CNTN5: variants seen among roughly 807,000 people sequenced by gnomAD.
CNTN5 encodes contactin-5.
A neutral mutation model predicts 129.1 loss-of-function variants in CNTN5; 77 were observed. That is an observed-to-expected ratio of 0.60 (90% CI 0.50 to 0.72). CNTN5 has a LOEUF of 0.72. Among genes scored for constraint, CNTN5 ranks in the 30% least tolerant of loss-of-function variants. The pLI is 0.00. For synonymous variants in CNTN5, 509 were observed against 465.6 expected, an observed-to-expected ratio of 1.09 and a Z score of -1.20; for missense variants, 1,478 against 1,328.8, an observed-to-expected ratio of 1.11 and a Z score of -1.75.
intron 13 of CNTN5, among the ~76,000 whole-genome samples, chr11:100,159,231 G>A (rs1240604514): frequency 6.6e-6 from 1 of 151,808 alleles, no homozygotes; most frequent in Non-Finnish European, 1.5e-5. Flanking sequence ...TGGTGTGTAG[G>A]GTTGTGATCA....
chr11:99,363,203 A>T (rs546036681), intron 2 of CNTN5, among the ~76,000 whole-genome samples: 1 of 152,120 alleles, frequency 6.6e-6, no homozygotes, highest in Non-Finnish European at 1.5e-5. Flanking sequence ...GCAATATTTT[A>T]TAATTTTAGA....
At chr11:99,917,891 A>T (rs967607706) in intron 7 of CNTN5, among the ~76,000 whole-genome samples, 1 of 152,140 alleles carries the variant, frequency 6.6e-6, no homozygotes, top group African/African-American at 2.4e-5. Context: ...TCTGATTGAG[A>T]TCAATATATG....
At chr11:100,114,996 G>C (rs1448039514) in intron 13 of CNTN5, among the ~76,000 whole-genome samples, 1 of 151,224 alleles carries the variant, frequency 6.6e-6, no homozygotes, top group East Asian at 2.0e-4. Flanking sequence ...CCCATTATTG[G>C]ATTGCGCTGA....
At chr11:99,977,301 C>T (rs985007844) in intron 8 of CNTN5, among the ~76,000 whole-genome samples, 2 of 152,210 alleles carry the variant, frequency 1.3e-5, no homozygotes, top group African/African-American at 2.4e-5. Context: ...AACTTTCTCA[C>T]ATCTTCCTGT....
intron 1 of CNTN5, among the ~76,000 whole-genome samples, chr11:99,204,319 T>C (rs992581160): frequency 2.6e-5 from 4 of 152,214 alleles, no homozygotes; most frequent in Admixed American, 6.5e-5. Context: ...GTCTGAGAAA[T>C]ACCCCAAATT....
At chr11:99,573,412 T>C (rs1305730281) in intron 3 of CNTN5, among the ~76,000 whole-genome samples, 1 of 151,288 alleles carries the variant, frequency 6.6e-6, no homozygotes, top group Non-Finnish European at 1.5e-5. Context: ...CTACTAAAAA[T>C]ACAAAAAATT....
At chr11:99,318,892 A>G (rs1031721415) in intron 1 of CNTN5, among the ~76,000 whole-genome samples, 1 of 152,262 alleles carries the variant, frequency 6.6e-6, no homozygotes, top group Non-Finnish European at 1.5e-5. Flanking sequence ...AGTTTTAAAT[A>G]TCCTTGAAAA....
At position 99,239,524 on chromosome 11, in the gene CNTN5, G is replaced by A. The variant is rs970096820; in HGVS notation, c.-209-85822G>A. On this transcript the variant is annotated intron_variant, in intron 1 of 24. Coordinates refer to ENST00000524871, the MANE Select transcript of CNTN5 (RefSeq NM_014361.4). ...GGACGGAAAATTACTAGGGGAGGGTGATTCTGTAAACTAACTGTAGCTTTC... is the reference window on the plus strand; with the variant it reads ...GGACGGAAAATTACTAGGGGAGGGTAATTCTGTAAACTAACTGTAGCTTTC... 2.6e-5 allele frequency among the ~76,000 whole-genome samples: 4 copies of A among 152,248 alleles called. No individual in the cohort carries two copies. In the East Asian group the frequency reaches 7.7e-4, roughly 29 times the overall value.
chr11:99,994,658 C>G (rs1443864454), intron 8 of CNTN5, among the ~76,000 whole-genome samples: 1 of 152,032 alleles, frequency 6.6e-6, no homozygotes, highest in Admixed American at 6.6e-5. Flanking sequence ...AAAGTAACAA[C>G]AATACCAAAT....
chr11:100,332,172 A>G (rs1049420888), intron 21 of CNTN5, among the ~76,000 whole-genome samples: 5 of 152,162 alleles, frequency 3.3e-5, no homozygotes, highest in Admixed American at 2.6e-4. Flanking sequence ...GATACCACAG[A>G]AATACAAAAG....
Position 100,308,982 on chromosome 11 carries a change from G to A in CNTN5, c.2730+514G>A, listed in dbSNP as rs573750266. ...ATAGTTATTCCAGCCTTATAATGGTGAACATTTCATATCAAATGAATAACA... is the reference window on the plus strand; with the variant it reads ...ATAGTTATTCCAGCCTTATAATGGTAAACATTTCATATCAAATGAATAACA... On this transcript the variant is annotated intron_variant, in intron 21 of 24. Transcript: ENST00000524871. 169 of 984,860 alleles carry A rather than the reference G, an allele frequency of 1.7e-4. No individual in the cohort carries two copies. The African/African-American group carries it at 2.8e-3, about 16-fold the overall frequency. 61.0% of individuals were successfully genotyped at this position (984,860 alleles called of 1,614,324 possible).
intron 13 of CNTN5, among the ~76,000 whole-genome samples, chr11:100,115,314 A>ATGTTG (rs1480219425): frequency 6.6e-6 from 1 of 152,050 alleles, no homozygotes; most frequent in Non-Finnish European, 1.5e-5. Flanking sequence ...AGACTAATTA[A>ATGTTG]GGAGTAAGAT....
chr11:99,040,504 T>C (rs190400649), intron 1 of CNTN5, among the ~76,000 whole-genome samples: 1 of 152,260 alleles, frequency 6.6e-6, no homozygotes, highest in Admixed American at 6.5e-5. Context: ...TACCAGTTAA[T>C]TTCATTTCTT....
At chr11:99,410,441 C>G (rs555299947) in intron 2 of CNTN5, among the ~76,000 whole-genome samples, 1 of 152,230 alleles carries the variant, frequency 6.6e-6, no homozygotes, top group Admixed American at 6.5e-5. Context: ...TTGCCAGAGC[C>G]ATGAAAGACT....
intron 6 of CNTN5, among the ~76,000 whole-genome samples, chr11:99,865,637 T>G (rs1324650800): frequency 6.6e-6 from 1 of 151,996 alleles, no homozygotes; most frequent in Non-Finnish European, 1.5e-5. Flanking sequence ...ATCAGAATTT[T>G]TAGATAAAAG....
At chr11:99,064,390 A>T (rs1358481514) in intron 1 of CNTN5, among the ~76,000 whole-genome samples, 1 of 152,156 alleles carries the variant, frequency 6.6e-6, no homozygotes, top group Admixed American at 6.6e-5. Context: ...AGCAGCATGT[A>T]GGGAAAGAGC....
At chr11:100,031,285 G>A (rs1250657203) in intron 9 of CNTN5, among the ~76,000 whole-genome samples, 1 of 152,202 alleles carries the variant, frequency 6.6e-6, no homozygotes, top group Non-Finnish European at 1.5e-5. Flanking sequence ...ATTGTGTAAA[G>A]ACAATGCCAG....
chr11:100,036,770 GT>G (rs1025224415), intron 9 of CNTN5, among the ~76,000 whole-genome samples: 2 of 148,278 alleles, frequency 1.3e-5, no homozygotes, highest in Non-Finnish European at 1.5e-5. Flanking sequence ...CTCTCTGTTT[GT>G]CTGTTATTGG....
intron 2 of CNTN5, among the ~76,000 whole-genome samples, chr11:99,365,135 C>T (rs779498754): frequency 3.3e-5 from 5 of 152,124 alleles, no homozygotes; most frequent in Non-Finnish European, 7.4e-5. Flanking sequence ...CTTCACTTTG[C>T]TCCCTAGCTC....
Sources: allele counts gnomAD v4.1 joint callset (sites outside exome capture counted in the v4.1 genomes callset), GRCh38; gene constraint gnomAD v4.1.1; transcripts MANE v1.5; gene names NCBI Gene and HGNC (gene_info 2026-07-23, HGNC 2026-07-21).